KCNMA1: variants seen among roughly 807,000 people sequenced by gnomAD.
KCNMA1 encodes Calcium-activated potassium channel subunit alpha-1.
In KCNMA1, 29 loss-of-function variants were observed where a neutral mutation model predicts 140.0. The ratio of observed to expected loss-of-function variants is 0.21; its 90% CI spans 0.15 to 0.28. The LOEUF is 0.28. Among genes scored for constraint, KCNMA1 ranks in the 10% least tolerant of loss-of-function variants. KCNMA1 has a pLI of 1.00. For missense variants in KCNMA1, 880 were observed against 1,602.2 expected (o/e 0.55, Z 7.70); for synonymous variants, 612 against 611.9 (o/e 1.00, Z 0.00).
intron 3 of KCNMA1, among the ~76,000 whole-genome samples, chr10:77,236,109 T>C (rs1210094608): frequency 6.6e-6 from 1 of 152,178 alleles, no homozygotes; most frequent in Admixed American, 6.5e-5. Flanking sequence ...CAAGTTTACA[T>C]GATCCAGTCC....
chr10:77,091,943 T>G (rs117938988), intron 9 of KCNMA1: 1 of 152,332 alleles, frequency 6.6e-6, no homozygotes, highest in East Asian at 1.9e-4. Context: ...AAATCAATAA[T>G]ATGCACGATG....
chr10:77,392,936 T>G (rs2154445766), intron 2 of KCNMA1, among the ~76,000 whole-genome samples: 1 of 152,280 alleles, frequency 6.6e-6, no homozygotes, highest in Non-Finnish European at 1.5e-5. Flanking sequence ...TTAAGACTCA[T>G]CTGTTGTCCT....
At chr10:77,329,853 A>G (rs2085667686) in intron 2 of KCNMA1, among the ~76,000 whole-genome samples, 1 of 152,204 alleles carries the variant, frequency 6.6e-6, no homozygotes, top group Admixed American at 6.5e-5. Context: ...CAGTTTATTC[A>G]TCTATAAAAA....
chr10:76,955,276 T>A (rs2067805084), intron 20 of KCNMA1, among the ~76,000 whole-genome samples: 1 of 151,816 alleles, frequency 6.6e-6, no homozygotes, highest in African/African-American at 2.4e-5. Flanking sequence ...CCTTCTGAAA[T>A]GTCTCCGATA....
chr10:76,973,029 G>T (rs2076508348), intron 19 of KCNMA1: 1 of 152,144 alleles, frequency 6.6e-6, no homozygotes, highest in African/African-American at 2.4e-5. Context: ...TTAAAAGGGA[G>T]ACTTAAATTT....
chr10:77,186,783 G>A (rs1324954312), intron 3 of KCNMA1, among the ~76,000 whole-genome samples: 22 of 55,978 alleles, frequency 3.9e-4, no homozygotes, highest in Non-Finnish European at 7.1e-4. Context: ...GTAAATGTGT[G>A]TGTGTGTGTG....
chr10:77,319,469 T>C (rs1307626037), intron 2 of KCNMA1, among the ~76,000 whole-genome samples: 1 of 152,192 alleles, frequency 6.6e-6, no homozygotes, highest in East Asian at 1.9e-4. Context: ...CAGAGTTCCT[T>C]GAGGTAGAAA....
At chr10:77,050,590 T>C (rs1016154038) in intron 14 of KCNMA1, among the ~76,000 whole-genome samples, 4 of 152,196 alleles carry the variant, frequency 2.6e-5, no homozygotes, top group African/African-American at 9.7e-5. Context: ...CCCAAGTGTC[T>C]TGGCAAAATC....
intron 2 of KCNMA1, among the ~76,000 whole-genome samples, chr10:77,377,765 G>A (rs527555962): frequency 6.6e-6 from 1 of 152,320 alleles, no homozygotes; most frequent in East Asian, 1.9e-4. Flanking sequence ...TATGGAGGCA[G>A]ACCACTTAAT....
chr10:77,034,537 G>A, intron 15 of KCNMA1, among the ~76,000 whole-genome samples: 1 of 152,200 alleles, frequency 6.6e-6, no homozygotes, highest in East Asian at 1.9e-4. Flanking sequence ...AAATAACACA[G>A]GTTGAGAGCA....
intron 1 of KCNMA1, among the ~76,000 whole-genome samples, chr10:77,517,769 C>T (rs1396443080): frequency 6.6e-6 from 1 of 152,178 alleles, no homozygotes; most frequent in African/African-American, 2.4e-5. Context: ...GTATCAAGCA[C>T]CACTATTTCC....
chr10:77,190,463 C>A (rs933234109), intron 3 of KCNMA1, among the ~76,000 whole-genome samples: 9 of 152,278 alleles, frequency 5.9e-5, no homozygotes, highest in African/African-American at 1.2e-4. Flanking sequence ...TTGTGCCATA[C>A]CACTTCCTCT....
In KCNMA1 at chr10:77,472,476, T is replaced by C. The variant is rs539046022; in HGVS notation, c.379-68453A>G. Among the ~76,000 whole-genome samples, 5 of 151,066 alleles carry C rather than the reference T, an allele frequency of 3.3e-5. No homozygotes were observed. The South Asian group carries it at 1.1e-3, about 32-fold the overall frequency. On this transcript the variant is annotated intron_variant, in intron 1 of 27. Transcript: ENST00000286628. ...ATCACACACACACAGAGAGCATACA[T>C]ACTAAACACACATCACACATACACA...
At chr10:77,106,920 T>C (rs2097208990) in intron 9 of KCNMA1, among the ~76,000 whole-genome samples, 1 of 152,184 alleles carries the variant, frequency 6.6e-6, no homozygotes, top group Admixed American at 6.5e-5. Flanking sequence ...GATGGAGGGA[T>C]GTGCTGCCTC....
At chr10:77,462,527 T>C (rs2097898031) in intron 1 of KCNMA1, among the ~76,000 whole-genome samples, 1 of 152,146 alleles carries the variant, frequency 6.6e-6, no homozygotes, top group Admixed American at 6.5e-5. Flanking sequence ...ACAGAGACCC[T>C]TATATACCTA....
intron 18 of KCNMA1, among the ~76,000 whole-genome samples, chr10:77,003,120 T>C (rs1031367379): frequency 2.4e-4 from 36 of 152,160 alleles, no homozygotes; most frequent in African/African-American, 8.2e-4. Flanking sequence ...ACGTTATGAT[T>C]GTGAAGAACA....
At chr10:76,957,614 G>T (rs887148137) in intron 20 of KCNMA1, among the ~76,000 whole-genome samples, 12 of 152,186 alleles carry the variant, frequency 7.9e-5, no homozygotes, top group Admixed American at 2.6e-4. Context: ...AAGGTTGGGC[G>T]AGCCTAGAAG....
At chr10:77,098,409 T>C (rs921526051) in intron 9 of KCNMA1, among the ~76,000 whole-genome samples, 4 of 152,112 alleles carry the variant, frequency 2.6e-5, no homozygotes, top group Non-Finnish European at 4.4e-5. Flanking sequence ...GATGGGCTGA[T>C]GCTAATCACA....
chr10:77,268,741 G>C (rs896760064), intron 2 of KCNMA1, among the ~76,000 whole-genome samples: 5 of 152,170 alleles, frequency 3.3e-5, no homozygotes, highest in South Asian at 4.1e-4. Context: ...ATAAAGCAGG[G>C]AGTAGTGGGA....
Sources: allele counts gnomAD v4.1 joint callset (sites outside exome capture counted in the v4.1 genomes callset), GRCh38; gene constraint gnomAD v4.1.1; transcripts MANE v1.5; gene names NCBI Gene and HGNC (gene_info 2026-07-23, HGNC 2026-07-21).